Variants in MAP3K7 observed in about 807,000 individuals in gnomAD.
The protein encoded by MAP3K7 is mitogen-activated protein kinase kinase kinase 7.
In MAP3K7, 21 loss-of-function variants were observed where a neutral mutation model predicts 84.8. The observed-to-expected ratio is 0.25, with a 90% CI of 0.18 to 0.36. The LOEUF (loss-of-function observed/expected upper bound fraction) is 0.36, where lower values mean the gene tolerates loss of function less well. Among genes scored for constraint, MAP3K7 ranks in the 10% least tolerant of loss-of-function variants. MAP3K7 has a pLI of 1.00. For missense variants in MAP3K7, 503 were observed against 747.7 expected, an observed-to-expected ratio of 0.67 and a Z score of 3.82; for synonymous variants, 241 against 247.7, an observed-to-expected ratio of 0.97 and a Z score of 0.25.
intron 12 of MAP3K7, among the ~76,000 whole-genome samples, chr6:90,543,923 G>T (rs1775926573): frequency 6.6e-6 from 1 of 151,988 alleles, no homozygotes; most frequent in African/African-American, 2.4e-5. Flanking sequence ...TGTAAGTTAG[G>T]TATAAAAACA....
intron 16 of MAP3K7, among the ~76,000 whole-genome samples, chr6:90,517,873 A>G (rs1191613938): frequency 2.6e-5 from 4 of 151,752 alleles, no homozygotes; most frequent in Admixed American, 2.6e-4. Context: ...TTTAGTTACC[A>G]CCAACAATTC....
intron 6 of MAP3K7, among the ~76,000 whole-genome samples, chr6:90,555,885 G>A (rs1158845755): frequency 2.0e-5 from 3 of 152,158 alleles, no homozygotes; most frequent in South Asian, 2.1e-4. Context: ...TGTAACTCAT[G>A]CCTGAATGAA....
intron 12 of MAP3K7, among the ~76,000 whole-genome samples, chr6:90,543,639 C>G (rs988991976): frequency 6.6e-6 from 1 of 152,148 alleles, no homozygotes; most frequent in African/African-American, 2.4e-5. Context: ...GCTAAAAACA[C>G]AATCACAGGC....
At chr6:90,548,732 G>A (rs1271310813) in intron 9 of MAP3K7, among the ~76,000 whole-genome samples, 1 of 150,612 alleles carries the variant, frequency 6.6e-6, no homozygotes, top group African/African-American at 2.4e-5. Flanking sequence ...GGGAGATGAG[G>A]AATAACCAGC....
In MAP3K7 at chr6:90,561,605, G is replaced by A. The variant is rs1582217521; in HGVS notation, c.343+17C>T. 2 of 1,587,236 alleles carry A rather than the reference G, an allele frequency of 1.3e-6. No homozygotes were observed. Among genetic ancestry groups the A allele is most frequent in the East Asian group, 2.2e-5 (1 of 44,664 alleles). On this transcript the variant is annotated intron_variant, in intron 4 of 16. Coordinates refer to ENST00000369329, the MANE Select transcript of MAP3K7 (RefSeq NM_145331.3). ...TATTTTAATCCACTAGATAAAGACA[G>A]GTCTAATGACACTCACCATTATATA...
At chr6:90,569,635 T>C (rs6934455) in intron 2 of MAP3K7, among the ~76,000 whole-genome samples, 1,681 of 152,138 alleles carry the variant, frequency 0.011, 34 homozygotes, top group African/African-American at 0.039. Context: ...ACAGCCACCA[T>C]GCCTGGTTAA....
chr6:90,531,683 T>C (rs2127961864), intron 13 of MAP3K7, among the ~76,000 whole-genome samples: 2 of 152,324 alleles, frequency 1.3e-5, no homozygotes, highest in Middle Eastern at 6.8e-3. Context: ...CCAGGCATAG[T>C]GGCTCACGAC....
At chr6:90,566,719 G>GTT (rs1193386506) in intron 3 of MAP3K7, among the ~76,000 whole-genome samples, 5 of 152,090 alleles carry the variant, frequency 3.3e-5, no homozygotes, top group Admixed American at 6.5e-5. Flanking sequence ...TTACTTTAAA[G>GTT]TTCATATGGA....
intron 13 of MAP3K7, among the ~76,000 whole-genome samples, chr6:90,534,851 AAC>A (rs1226766855): frequency 2.6e-5 from 4 of 152,152 alleles, no homozygotes; most frequent in Non-Finnish European, 5.9e-5. Flanking sequence ...GGCAATAGTA[AAC>A]AGAGTTTAAA....
In MAP3K7 at chr6:90,542,325, G is replaced by T. The variant is rs1416348097; in HGVS notation, c.1291+2227C>A. On this transcript the variant is annotated intron_variant, in intron 12 of 16. Coordinates refer to ENST00000369329, the MANE Select transcript of MAP3K7 (RefSeq NM_145331.3). ...AGCTTGTATTCTTCTATTAAAGAAA[G>T]TGCACCTGAGTAAGTTAATGTTTGA... 3 of 983,884 alleles carry T rather than the reference G, an allele frequency of 3.0e-6. No homozygotes were observed. In the Admixed American group the frequency reaches 1.9e-4, roughly 61 times the overall value. The allele number at this position is 983,884 out of a possible 1,614,324, so 60.9% of individuals were successfully genotyped here. A position where few individuals can be genotyped will look rare whatever the true frequency, so the allele number is the denominator to read the frequency against.
chr6:90,521,982 G>C (rs111861190), intron 14 of MAP3K7, among the ~76,000 whole-genome samples: 51 of 152,138 alleles, frequency 3.4e-4, no homozygotes, highest in African/African-American at 1.2e-3. Flanking sequence ...CAAAGAAAAA[G>C]ACTTTACCTA....
intron 4 of MAP3K7, among the ~76,000 whole-genome samples, chr6:90,561,180 G>A (rs1200648629): frequency 6.6e-6 from 1 of 151,396 alleles, no homozygotes; most frequent in Non-Finnish European, 1.5e-5. Context: ...ACTACACAAA[G>A]TTTTTTTTCA....
At chr6:90,551,484 T>G (rs1776177391) in intron 8 of MAP3K7, 2 of 152,228 alleles carry the variant, frequency 1.3e-5, no homozygotes, top group African/African-American at 4.8e-5. Context: ...CTAGGAAAAT[T>G]TGATAATCAT....
chr6:90,525,625 T>G (rs1246143185), intron 13 of MAP3K7, among the ~76,000 whole-genome samples: 1 of 152,066 alleles, frequency 6.6e-6, no homozygotes, highest in African/African-American at 2.4e-5. Flanking sequence ...TGGAGTGCAG[T>G]GGTACCATCA....
At chr6:90,550,626 T>G in intron 8 of MAP3K7, 77 bp from the exon 9 acceptor site, 1 of 867,802 alleles carries the variant, frequency 1.2e-6, no homozygotes, top group Non-Finnish European at 1.8e-6. Context: ...TTATTTTCCC[T>G]AAGTTATATA....
At position 90,517,318 on chromosome 6, in the gene MAP3K7, G is replaced by A. The variant is rs9359887; in HGVS notation, c.1641-637C>T. On this transcript the variant is annotated intron_variant, in intron 16 of 16. Transcript: ENST00000369329. ...TATTTGGGAACTATTAAGTATTCCC[G>A]AAAAAGATGCATCTTTAGGCATTTC... Among the ~76,000 whole-genome samples the A allele has an allele frequency of 3.3e-5, 5 of 151,750 alleles. No individual in the cohort carries two copies. In the East Asian group the frequency reaches 7.7e-4, roughly 23 times the overall value.
At chr6:90,584,611 T>C (rs1051777495) in intron 1 of MAP3K7, among the ~76,000 whole-genome samples, 3 of 152,124 alleles carry the variant, frequency 2.0e-5, no homozygotes, top group African/African-American at 7.2e-5. Flanking sequence ...AACATCAAAA[T>C]GATAACTACC....
intron 11 of MAP3K7, among the ~76,000 whole-genome samples, chr6:90,545,380 C>T (rs1323083621): frequency 1.3e-5 from 2 of 152,158 alleles, no homozygotes; most frequent in African/African-American, 4.8e-5. Context: ...CTAGCAAAGT[C>T]ATTTCTGTAA....
At chr6:90,551,904 T>C in intron 8 of MAP3K7, 145 bp downstream of exon 8, 1 of 816,302 alleles carries the variant, frequency 1.2e-6, no homozygotes, top group Non-Finnish European at 1.8e-6. Flanking sequence ...CTTCTGACTA[T>C]GAGTAATAAA....
Sources: gnomAD v4.1 joint callset for allele counts (sites outside exome capture counted in the v4.1 genomes callset) on GRCh38, gnomAD v4.1.1 for gene constraint, MANE v1.5 for transcripts, NCBI Gene and HGNC (gene_info 2026-07-23, HGNC 2026-07-21) for gene names.